The following PLXNB2 variants were observed in gnomAD, a reference collection of about 807,000 sequenced individuals.
PLXNB2 encodes the protein plexin B2.
PLXNB2 carries 85 observed loss-of-function variants against 202.6 expected under a neutral mutation model. The ratio of observed to expected loss-of-function variants is 0.42; its 90% confidence interval spans 0.35 to 0.50. The LOEUF is 0.50. Among genes scored for constraint, PLXNB2 ranks in the 20% least tolerant of loss-of-function variants. The pLI, the probability that PLXNB2 is intolerant of heterozygous loss-of-function variation, is 0.02. For synonymous variants in PLXNB2, 1,239 were observed against 1,137.6 expected (o/e 1.09, Z -1.79); for missense variants, 2,063 against 2,586.2 (o/e 0.80, Z 4.39).
In PLXNB2 at chr22:50,289,924, C is replaced by A; in HGVS notation, c.661G>T (p.Ala221Ser). 1.9e-6 allele frequency: 3 copies of A among 1,613,220 alleles called. No homozygotes were observed. The highest frequency in any genetic ancestry group is 2.5e-6 in the Non-Finnish European group (3 of 1,180,038). Reference sequence around the variant, plus strand: ...AAGACGTAGGGGCCGTCCTCGAAGGCCGCCACGAACTGCTGTGTGTTGGTG... The same window carrying A: ...AAGACGTAGGGGCCGTCCTCGAAGGACGCCACGAACTGCTGTGTGTTGGTG... ...LSTNTQQFVAAFEDGPYVFFV... is the reference protein window; with the variant it reads ...LSTNTQQFVASFEDGPYVFFV... Residue 221 changes from alanine (A) to serine (S), a missense_variant, in exon 3 of 37, where the codon GCC (alanine) becomes TCC (serine). By Grantham distance (99) the Ala-to-Ser change is moderately conservative (BLOSUM62 1). Transcript: ENST00000359337. The surrounding 1 kb of genome is among the most constrained non-coding windows in gnomAD (Gnocchi z 8.0).
intron 31 of PLXNB2, 34 bp downstream of exon 31, chr22:50,278,083 G>T: frequency 6.2e-7 from 1 of 1,602,574 alleles, no homozygotes; most frequent in Non-Finnish European, 8.5e-7. Flanking sequence ...CAGCGTGGCG[G>T]CCTGGTGCCG....
Position 50,290,293 on chromosome 22 carries a change from G to A in PLXNB2, c.292C>T (p.Gln98Ter). 7 of 1,611,932 alleles carry A rather than the reference G, an allele frequency of 4.3e-6. No individual in the cohort carries two copies. The highest frequency in any genetic ancestry group is 5.9e-6 in the Non-Finnish European group (7 of 1,180,008). ...HEAEMTDNVN[Q>*]LLLLDPPRKR... Reference sequence around the variant, plus strand: ...CTGGGAGGGTCGAGCAGCAGCAGCTGGTTGACATTGTCAGTCATCTCAGCC... The same window carrying A: ...CTGGGAGGGTCGAGCAGCAGCAGCTAGTTGACATTGTCAGTCATCTCAGCC... Residue 98 changes from glutamine to a stop codon, truncating the protein, a stop_gained, in exon 3 of 37, where the codon CAG becomes TAG. Coordinates refer to ENST00000359337, the MANE Select transcript of PLXNB2 (RefSeq NM_012401.4). LOFTEE classifies it high-confidence loss of function.
chr22:50,279,613 C>G lies in PLXNB2; in HGVS notation c.4389+17G>C, dbSNP rs1313220600. 1 of 1,612,258 alleles carries G rather than the reference C, an allele frequency of 6.2e-7. No individual in the cohort carries two copies. The highest frequency in any genetic ancestry group is 1.3e-5 in the African/African-American group (1 of 75,028). ...AGATCCGAGGCGCCCATGGCGGCCC[C>G]CACCCCAGAAGCTCACCAGGGGTGC... On this transcript the variant is annotated intron_variant, in intron 27 of 36. Transcript: ENST00000359337.
intron 1 of PLXNB2, among the ~76,000 whole-genome samples, chr22:50,295,028 T>C (rs548597259): frequency 6.6e-6 from 1 of 152,286 alleles, no homozygotes; most frequent in East Asian, 1.9e-4. Flanking sequence ...AAAATAAAAG[T>C]TGCTTTCTGA....
In PLXNB2 at chr22:50,287,804, AG is replaced by A. The variant is rs2066572903; in HGVS notation, c.1482-12del. The A allele has an allele frequency of 1.3e-6, 2 of 1,595,516 alleles. No homozygotes were observed. The highest frequency in any genetic ancestry group is 2.2e-5 in the East Asian group (1 of 44,632). On this transcript the variant is annotated splice_polypyrimidine_tract_variant and intron_variant, in intron 6 of 36. Coordinates refer to ENST00000359337, the MANE Select transcript of PLXNB2 (RefSeq NM_012401.4). Reference sequence around the variant, plus strand: ...GCCTTCCGGGTGCATCTGCAGGCGCAGGGGGCGGCCTCAGCCCAGGGTGGAG... The same window carrying A: ...GCCTTCCGGGTGCATCTGCAGGCGCAGGGGCGGCCTCAGCCCAGGGTGGAG...
At position 50,290,252 on chromosome 22, in the gene PLXNB2, C is replaced by T. The variant is rs1420492232; in HGVS notation, c.333G>A (p.Glu111=). 2 of 1,611,872 alleles carry T rather than the reference C, an allele frequency of 1.2e-6. No individual in the cohort carries two copies. Among genetic ancestry groups the T allele is most frequent in the Non-Finnish European group, 1.7e-6 (2 of 1,180,026 alleles). ...AGATGCCCTTGAAGAGGCTGCCGCA[C>T]TCCACCAGGCGCTTCCTGGGAGGGT... The part of the protein sequence containing the change: ...LLDPPRKRLV[E]CGSLFKGICA... The change falls in exon 3 of 37, where the codon GAG becomes GAA. Residue 111 remains glutamate, a synonymous_variant. Transcript: ENST00000359337.
rs1482409404 is a variant in PLXNB2 at position 50,288,704 on chromosome 22, C to A, written c.1380+39G>T. ...GCCTGGGATGCAATGACCGGGCACA[C>A]TTGGCCTAGAGTGCTCTCCGGGGCT... On this transcript the variant is annotated intron_variant, in intron 5 of 36. Transcript: ENST00000359337. This position sits in a 1 kb window ranked among gnomAD's most constrained non-coding sequence, Gnocchi z 5.0. 1 of 1,608,968 alleles carries A rather than the reference C, an allele frequency of 6.2e-7. No homozygotes were observed.
At chr22:50,307,377 C>A (rs1484260945) in intron 1 of PLXNB2, among the ~76,000 whole-genome samples, 176 bp downstream of exon 1, 1 of 151,524 alleles carries the variant, frequency 6.6e-6, no homozygotes, top group Non-Finnish European at 1.5e-5. Flanking sequence ...GCGGCCCGGG[C>A]CTCGCCGGAT....
chr22:50,278,470 T>A lies in PLXNB2; in HGVS notation c.4697A>T (p.Gln1566Leu), dbSNP rs971202428. Residue 1566 changes from glutamine to leucine, a missense_variant, in exon 30 of 37, where the codon CAG (glutamine) becomes CTG (leucine). Coordinates refer to ENST00000359337, the MANE Select transcript of PLXNB2 (RefSeq NM_012401.4). ...LILSKVGVSQ[Q>L]PEDSQQDLPG... is the part of the protein sequence containing the mutation. The stretch of plus-strand genomic sequence containing the variant: ...CAGGTCCTGCTGGCTGTCCTCCGGC[T>A]GCTGGGAGACCCCCACCTTGGACAG... 2 of 1,560,108 alleles carry A rather than the reference T, an allele frequency of 1.3e-6. No homozygotes were observed. Among genetic ancestry groups the A allele is most frequent in the African/African-American group, 2.7e-5 (2 of 73,486 alleles).
intron 25 of PLXNB2, among the ~76,000 whole-genome samples, 162 bp from the exon 26 acceptor site, chr22:50,280,233 G>T (rs2065892476): frequency 6.6e-6 from 1 of 152,224 alleles, no homozygotes; most frequent in African/African-American, 2.4e-5. Context: ...GCCCTTGTGG[G>T]AAGTGTGCCA....
intron 1 of PLXNB2, among the ~76,000 whole-genome samples, chr22:50,300,910 A>T (rs1403504082): frequency 6.6e-6 from 1 of 152,102 alleles, no homozygotes; most frequent in Non-Finnish European, 1.5e-5. Flanking sequence ...GCCACCTGGT[A>T]CCCAGGGCCT....
intron 20 of PLXNB2, 38 bp from the exon 21 acceptor site, chr22:50,281,780 A>C: frequency 6.4e-7 from 1 of 1,567,962 alleles, no homozygotes; most frequent in Non-Finnish European, 8.7e-7. Flanking sequence ...GGAGGAGGGA[A>C]CCAGGGACAG....
rs911549141 is a variant in PLXNB2 at position 50,291,823 on chromosome 22, C to G, written c.-13-1226G>C. 6.6e-6 allele frequency among the ~76,000 whole-genome samples: 1 copy of G among 152,180 alleles called. No homozygotes were observed. Among genetic ancestry groups the G allele is most frequent in the Non-Finnish European group, 1.5e-5 (1 of 68,018 alleles). ...TCCCTGAGTGCACCAGTACGGGGGG[C>G]TCCCAGGTGTCCAGGGCAGCCCTGC... On this transcript the variant is annotated intron_variant, in intron 2 of 36. Transcript: ENST00000359337. This position sits in a 1 kb window ranked among gnomAD's most constrained non-coding sequence, Gnocchi z 4.3.
At chr22:50,287,907 C>T (rs777036155) in intron 6 of PLXNB2, 30 bp downstream of exon 6, 2 of 1,578,840 alleles carry the variant, frequency 1.3e-6, no homozygotes, top group South Asian at 1.1e-5. Flanking sequence ...CAGAGGCAGG[C>T]CGTGTCCCCG....
Position 50,289,200 on chromosome 22 carries a change from A to ACTCGCGCTCCAAGACT in PLXNB2, c.1069-74_1069-59dup. ...CCCCCTGTCCTGAAGGGCCCTCTCC[A>ACTCGCGCTCCAAGACT]CTCGCGCTCCAAGACTCGGGACAGG... On this transcript the variant is annotated intron_variant, in intron 3 of 36. Coordinates refer to ENST00000359337, the MANE Select transcript of PLXNB2 (RefSeq NM_012401.4). The surrounding 1 kb of genome is among the most constrained non-coding windows in gnomAD (Gnocchi z 8.0). 7.1e-7 allele frequency: 1 copy of ACTCGCGCTCCAAGACT among 1,416,378 alleles called. No individual in the cohort carries two copies. Among genetic ancestry groups the ACTCGCGCTCCAAGACT allele is most frequent in the Non-Finnish European group, 9.4e-7 (1 of 1,062,774 alleles). The allele number at this position is 1,416,378 out of a possible 1,614,324, so 87.7% of individuals were successfully genotyped here. A position where few individuals can be genotyped will look rare whatever the true frequency, so the allele number is the denominator to read the frequency against.
rs936067168 is a variant in PLXNB2 at position 50,306,798 on chromosome 22, G to A, written c.-74+755C>T. On this transcript the variant is annotated intron_variant, in intron 1 of 36. Coordinates refer to ENST00000359337, the MANE Select transcript of PLXNB2 (RefSeq NM_012401.4). ...GACCCCTTTCTTCCTTTCCCAGGGA[G>A]CTTCGGGAAGAGAAATCAAGGGCCT... 4.6e-5 allele frequency among the ~76,000 whole-genome samples: 7 copies of A among 152,330 alleles called. No homozygotes were observed. The East Asian group carries it at 7.7e-4, about 17-fold the overall frequency.
In PLXNB2 at chr22:50,282,722, T is replaced by C. The variant is rs773284275; in HGVS notation, c.2976A>G (p.Arg992=). 1.3e-6 allele frequency: 2 copies of C among 1,538,548 alleles called. No individual in the cohort carries two copies. The highest frequency in any genetic ancestry group is 4.3e-5 in the Admixed American group (2 of 46,974). ...GACACCAGCCTCACCTGGCAAAGCT[T>C]CGTAGCGGCTCGAAGGCTCGCAGTA... ...NPVLRAFEPL[R]SFASGGRSIN... is the part of the protein sequence containing the mutation. Residue 992 remains arginine, a synonymous_variant, in exon 18 of 37, where the codon CGA becomes CGG. Transcript: ENST00000359337.
At chr22:50,287,822 A>G in intron 6 of PLXNB2, 29 bp from the exon 7 acceptor site, 3 of 1,595,746 alleles carry the variant, frequency 1.9e-6, no homozygotes, top group Non-Finnish European at 2.5e-6. Context: ...GCCTCAGCCC[A>G]GGGTGGAGTC....
At position 50,275,453 on chromosome 22, in the gene PLXNB2, A is replaced by G. The variant is rs2065477579; in HGVS notation, c.*251T>C. 3.2e-6 allele frequency: 2 copies of G among 628,368 alleles called. No homozygotes were observed. Among genetic ancestry groups the G allele is most frequent in the South Asian group, 3.0e-5 (2 of 66,058 alleles). The allele number at this position is 628,368 out of a possible 1,614,324, so 38.9% of individuals were successfully genotyped here. A position where few individuals can be genotyped will look rare whatever the true frequency, so the allele number is the denominator to read the frequency against. The stretch of plus-strand genomic sequence containing the variant: ...CAAATCACTGGAGACTCGACAGTGA[A>G]CACCCGATGCTGGTTCTGCGGCCGG... On this transcript the variant is annotated 3_prime_UTR_variant, in exon 37 of 37. Coordinates refer to ENST00000359337, the MANE Select transcript of PLXNB2 (RefSeq NM_012401.4).
Sources: allele counts gnomAD v4.1 joint callset (sites outside exome capture counted in the v4.1 genomes callset), GRCh38; gene constraint gnomAD v4.1.1; non-coding constraint Gnocchi (gnomAD v3.1); transcripts MANE v1.5; gene names NCBI Gene and HGNC (gene_info 2026-07-23, HGNC 2026-07-21).